The following COL25A1 variants were observed in gnomAD, a reference collection of about 807,000 sequenced individuals.
The protein encoded by COL25A1 is collagen alpha-1(XXV) chain.
A neutral mutation model predicts 128.4 loss-of-function variants in COL25A1; 103 were observed. The ratio of observed to expected loss-of-function variants is 0.80; its 90% CI spans 0.68 to 0.94. The LOEUF (loss-of-function observed/expected upper bound fraction) is 0.94. COL25A1 is among the 40% of genes least tolerant of loss of function. The probability of loss-of-function intolerance (pLI) is 0.00; values close to 1 mark genes in which losing one functional copy is unlikely to be tolerated. For missense variants in COL25A1, 745 were observed against 840.0 expected (o/e 0.89, Z 1.40); for synonymous variants, 279 against 277.2 (o/e 1.01, Z -0.06).
At chr4:109,130,586 G>A (rs1560741104) in intron 3 of COL25A1, among the ~76,000 whole-genome samples, 1 of 152,038 alleles carries the variant, frequency 6.6e-6, no homozygotes, top group Non-Finnish European at 1.5e-5. Context: ...AAATAAGCTT[G>A]AACAAAATCA....
rs6833192 is a variant in COL25A1 at position 108,947,401 on chromosome 4, T to C, written c.493-5964A>G. On this transcript the variant is annotated intron_variant, in intron 8 of 37. Coordinates refer to ENST00000399132, the MANE Select transcript of COL25A1 (RefSeq NM_198721.4). ...AGGTTGCAGTGAGCCGAAATAGTGC[T>C]GTTGCACTCCAGCTTGGGCAACAAA... Among the ~76,000 whole-genome samples the C allele has an allele frequency of 3.0e-3, 458 of 150,966 alleles. 2 individuals carry two copies. The highest frequency in any genetic ancestry group is 0.011 in the African/African-American group (439 of 41,044).
intron 6 of COL25A1, among the ~76,000 whole-genome samples, chr4:108,996,565 A>C (rs1254260921): frequency 1.3e-5 from 2 of 152,160 alleles, no homozygotes; most frequent in Non-Finnish European, 2.9e-5. Context: ...CAGATCAACA[A>C]GACAGAAGGT....
intron 19 of COL25A1, among the ~76,000 whole-genome samples, chr4:108,883,495 C>T (rs1001046231): frequency 3.3e-5 from 5 of 152,140 alleles, no homozygotes; most frequent in Non-Finnish European, 5.9e-5. Flanking sequence ...GGAGCAACTA[C>T]AGCTAAGGCA....
chr4:109,254,505 A>ATATATATATATATATATATATATATGTG (rs1383703429), intron 3 of COL25A1, among the ~76,000 whole-genome samples: 5 of 105,010 alleles, frequency 4.8e-5, no homozygotes, highest in African/African-American at 6.8e-5. Flanking sequence ...ATATATATAT[A>ATATATATATATATATATATATATATGTG]TGTATGTGTG....
chr4:108,998,593 T>C lies in COL25A1; in HGVS notation c.438+11765A>G, dbSNP rs542018076. ...CCCCATCAGGCTACCAATGACTTTC[T>C]TCACAGAACTGGAAAAAACTACTTT... On this transcript the variant is annotated intron_variant, in intron 6 of 37. Coordinates refer to ENST00000399132, the MANE Select transcript of COL25A1 (RefSeq NM_198721.4). Among the ~76,000 whole-genome samples the C allele has an allele frequency of 3.3e-5, 5 of 152,320 alleles. No homozygotes were observed. The East Asian group carries it at 9.6e-4, about 29-fold the overall frequency.
At chr4:108,974,339 C>T (rs762470798) in intron 8 of COL25A1, 28 bp downstream of exon 8, 184 of 1,611,756 alleles carry the variant, frequency 1.1e-4, no homozygotes, top group East Asian at 1.0e-3. Context: ...ACTAATTTTC[C>T]GCCCAAGATA....
At chr4:109,136,523 T>C (rs570806657) in intron 3 of COL25A1, among the ~76,000 whole-genome samples, 1 of 152,224 alleles carries the variant, frequency 6.6e-6, no homozygotes. Context: ...GAGGAAGTAA[T>C]ACTCAAACTG....
chr4:109,076,961 C>A (rs1317144551), intron 3 of COL25A1, among the ~76,000 whole-genome samples: 1 of 152,148 alleles, frequency 6.6e-6, no homozygotes, highest in Admixed American at 6.5e-5. Flanking sequence ...CACTGGCTTG[C>A]CTGCCTGCTG....
At chr4:109,062,046 T>C (rs548707803) in intron 3 of COL25A1, among the ~76,000 whole-genome samples, 1 of 152,358 alleles carries the variant, frequency 6.6e-6, no homozygotes, top group African/African-American at 2.4e-5. Context: ...CACACTCTTT[T>C]GCCCTTAAGT....
At chr4:109,194,938 T>C (rs1383797754) in intron 3 of COL25A1, among the ~76,000 whole-genome samples, 1 of 152,158 alleles carries the variant, frequency 6.6e-6, no homozygotes, top group Non-Finnish European at 1.5e-5. Context: ...TAGTCAATAA[T>C]AACAACTGTA....
At chr4:109,108,784 A>T (rs1361631858) in intron 3 of COL25A1, among the ~76,000 whole-genome samples, 1 of 152,184 alleles carries the variant, frequency 6.6e-6, no homozygotes, top group African/African-American at 2.4e-5. Flanking sequence ...TTAGCAATAA[A>T]GTATTTTAAA....
At chr4:109,146,765 T>C (rs1207543329) in intron 3 of COL25A1, among the ~76,000 whole-genome samples, 2 of 152,250 alleles carry the variant, frequency 1.3e-5, no homozygotes, top group African/African-American at 4.8e-5. Context: ...TTTCCACTCT[T>C]GCAGAATATG....
At chr4:109,026,456 G>A (rs893558093) in intron 5 of COL25A1, among the ~76,000 whole-genome samples, 5 of 152,140 alleles carry the variant, frequency 3.3e-5, no homozygotes, top group African/African-American at 4.8e-5. Flanking sequence ...AATAAGCTCC[G>A]TAGATGGCAA....
chr4:109,183,756 T>G (rs1169543811), intron 3 of COL25A1, among the ~76,000 whole-genome samples: 1 of 152,122 alleles, frequency 6.6e-6, no homozygotes, highest in Non-Finnish European at 1.5e-5. Context: ...ACAACACGTA[T>G]GCCCGTATGT....
chr4:109,279,866 G>A (rs762389318), intron 3 of COL25A1, among the ~76,000 whole-genome samples: 4 of 151,914 alleles, frequency 2.6e-5, no homozygotes, highest in Non-Finnish European at 4.4e-5. Context: ...TTTGTTTTCT[G>A]TAGACCAAAT....
At chr4:108,818,738 TTC>T (rs1160459638) in intron 36 of COL25A1, among the ~76,000 whole-genome samples, 1 of 152,186 alleles carries the variant, frequency 6.6e-6, no homozygotes, top group Non-Finnish European at 1.5e-5. Context: ...TTTGGTCTTC[TTC>T]TTTGTGGTCT....
At chr4:109,288,435 C>T (rs1724101912) in intron 3 of COL25A1, among the ~76,000 whole-genome samples, 1 of 151,994 alleles carries the variant, frequency 6.6e-6, no homozygotes, top group Admixed American at 6.6e-5. Flanking sequence ...AATGTGGTTC[C>T]CTGCAAAATC....
At chr4:108,832,089 G>A (rs1733193422) in intron 32 of COL25A1, among the ~76,000 whole-genome samples, 1 of 152,106 alleles carries the variant, frequency 6.6e-6, no homozygotes, top group Middle Eastern at 3.2e-3. Flanking sequence ...CTGGATAAAG[G>A]CCAAATGAAA....
chr4:108,935,523 A>G (rs1204676552), intron 11 of COL25A1, among the ~76,000 whole-genome samples: 1 of 152,222 alleles, frequency 6.6e-6, no homozygotes, highest in African/African-American at 2.4e-5. Context: ...ATCACTTAAT[A>G]TATATATCCT....
Sources: allele counts gnomAD v4.1 joint callset (sites outside exome capture counted in the v4.1 genomes callset), GRCh38; gene constraint gnomAD v4.1.1; transcripts MANE v1.5; gene names NCBI Gene and HGNC (gene_info 2026-07-23, HGNC 2026-07-21).